The following NKAIN1 variants were observed in gnomAD, a reference collection of about 807,000 sequenced individuals.
The protein encoded by NKAIN1 is sodium/potassium-transporting ATPase subunit beta-1-interacting protein 1.
A neutral mutation model predicts 31.6 loss-of-function variants in NKAIN1; 13 were observed. The observed-to-expected ratio is 0.41, with a 90% confidence interval of 0.27 to 0.65. The LOEUF is 0.65. Ranked by LOEUF, NKAIN1 falls within the 30% of genes least tolerant of loss-of-function variation. NKAIN1 has a pLI of 0.30. For synonymous variants in NKAIN1, 104 were observed against 109.0 expected (o/e 0.95, Z 0.28); for missense variants, 193 against 262.2 (o/e 0.74, Z 1.82).
At chr1:31,232,412 TATATATATATATAGAGAG>T (rs1366584122) in intron 1 of NKAIN1, among the ~76,000 whole-genome samples, 3 of 32,776 alleles carry the variant, frequency 9.2e-5, no homozygotes, top group East Asian at 1.5e-3. Flanking sequence ...TATATATATA[TATATATATATATAGAGAG>T]AGAGAGAGAG....
chr1:31,181,775 G>A (rs372528801), intron 6 of NKAIN1, 63 bp from the exon 7 acceptor site: 9 of 1,546,590 alleles, frequency 5.8e-6, no homozygotes, highest in African/African-American at 2.7e-5. Context: ...GGAGAGACCC[G>A]GTTGCCCTGC....
At chr1:31,203,741 C>T (rs12082916) in intron 1 of NKAIN1, among the ~76,000 whole-genome samples, 6,111 of 152,062 alleles carry the variant, frequency 0.04, 341 homozygotes, top group African/African-American at 0.12. Context: ...CCCACCACCA[C>T]GCCTGGCCAA....
chr1:31,239,839 C>A lies in NKAIN1; in HGVS notation c.-292G>T, dbSNP rs895234643. Among the ~76,000 whole-genome samples the A allele has an allele frequency of 5.3e-5, 8 of 151,950 alleles. No individual in the cohort carries two copies. Among genetic ancestry groups the A allele is most frequent in the Non-Finnish European group, 5.9e-5 (4 of 67,926 alleles). ...GCCCCGGGGCGGCTGGCGGGGAGCG[C>A]GGAGCAAGGAGAGCGAGCCCCGAGC... On this transcript the variant is annotated 5_prime_UTR_variant, in exon 1 of 7. Coordinates refer to ENST00000373736, the MANE Select transcript of NKAIN1 (RefSeq NM_024522.3). This position sits in a 1 kb window ranked among gnomAD's most constrained non-coding sequence, Gnocchi z 4.8.
intron 1 of NKAIN1, among the ~76,000 whole-genome samples, chr1:31,214,466 A>G (rs985671006): frequency 1.3e-5 from 2 of 152,106 alleles, no homozygotes; most frequent in African/African-American, 2.4e-5. Context: ...GTTAAAAAAA[A>G]AAAAAAAGAA....
intron 1 of NKAIN1, among the ~76,000 whole-genome samples, chr1:31,218,972 C>G (rs1476979683): frequency 6.6e-6 from 1 of 152,262 alleles, no homozygotes; most frequent in Non-Finnish European, 1.5e-5. Flanking sequence ...CGAGGCTGAT[C>G]AGACACCCAG....
chr1:31,235,720 G>A lies in NKAIN1; in HGVS notation c.54+3774C>T, dbSNP rs72874558. Among the ~76,000 whole-genome samples, 703 of 152,282 alleles carry A rather than the reference G, an allele frequency of 4.6e-3. 7 individuals carry two copies. Among genetic ancestry groups the A allele is most frequent in the African/African-American group, 0.016 (668 of 41,568 alleles). ...CAAGTACAGCTGGCAGGATCCCAGC[G>A]AGCCAGACCAATAATGCCTCCCATT... On this transcript the variant is annotated intron_variant, in intron 1 of 6. Coordinates refer to ENST00000373736, the MANE Select transcript of NKAIN1 (RefSeq NM_024522.3).
intron 1 of NKAIN1, among the ~76,000 whole-genome samples, chr1:31,220,350 A>G (rs1043979938): frequency 2.2e-4 from 33 of 151,922 alleles, no homozygotes; most frequent in African/African-American, 7.7e-4. Flanking sequence ...CTTTTCCTGT[A>G]TAATGCTCAC....
At chr1:31,228,686 T>C (rs1048715116) in intron 1 of NKAIN1, among the ~76,000 whole-genome samples, 4 of 152,100 alleles carry the variant, frequency 2.6e-5, no homozygotes, top group Non-Finnish European at 1.5e-5. Context: ...CTTGACCTCC[T>C]GGGCTCAAGT....
At chr1:31,214,549 A>G (rs1645495959) in intron 1 of NKAIN1, among the ~76,000 whole-genome samples, 1 of 151,850 alleles carries the variant, frequency 6.6e-6, no homozygotes, top group Non-Finnish European at 1.5e-5. Context: ...GTGTGCATGC[A>G]TGTGTGTGTC....
At chr1:31,211,111 C>A (rs544708327) in intron 1 of NKAIN1, among the ~76,000 whole-genome samples, 1 of 152,328 alleles carries the variant, frequency 6.6e-6, no homozygotes, top group South Asian at 2.1e-4. Flanking sequence ...CAGGGATGTC[C>A]GCTCTCATCA....
intron 2 of NKAIN1, among the ~76,000 whole-genome samples, 199 bp downstream of exon 2, chr1:31,187,851 C>T (rs529024844): frequency 6.6e-6 from 1 of 150,682 alleles, no homozygotes; most frequent in Non-Finnish European, 1.5e-5. Flanking sequence ...CTAAAAAATT[C>T]TTCAGGAAAA....
At chr1:31,201,735 G>A (rs1645381774) in intron 1 of NKAIN1, among the ~76,000 whole-genome samples, 1 of 152,144 alleles carries the variant, frequency 6.6e-6, no homozygotes, top group Non-Finnish European at 1.5e-5. Context: ...GACGCAGAAC[G>A]GCTGACTCCA....
chr1:31,209,783 C>T (rs1645453156), intron 1 of NKAIN1, among the ~76,000 whole-genome samples: 1 of 151,962 alleles, frequency 6.6e-6, no homozygotes, highest in Admixed American at 6.6e-5. Flanking sequence ...CATCACTCCC[C>T]TCCAGTCTGG....
intron 1 of NKAIN1, among the ~76,000 whole-genome samples, chr1:31,195,204 C>T (rs1321586587): frequency 6.7e-6 from 1 of 150,262 alleles, no homozygotes; most frequent in African/African-American, 2.5e-5. Flanking sequence ...TTGCAACCTC[C>T]GCCTCCTGGG....
At chr1:31,223,084 G>A (rs1004998659) in intron 1 of NKAIN1, among the ~76,000 whole-genome samples, 1 of 152,086 alleles carries the variant, frequency 6.6e-6, no homozygotes, top group Non-Finnish European at 1.5e-5. Flanking sequence ...GATCAGAAAT[G>A]CTCCATAAAC....
chr1:31,196,414 G>A (rs1645327285), intron 1 of NKAIN1, among the ~76,000 whole-genome samples: 1 of 150,520 alleles, frequency 6.6e-6, no homozygotes, highest in Non-Finnish European at 1.5e-5. Context: ...TCGGGAGGCT[G>A]AGACAGGAGA....
chr1:31,199,366 C>T (rs925167746), intron 1 of NKAIN1, among the ~76,000 whole-genome samples: 1 of 152,218 alleles, frequency 6.6e-6, no homozygotes, highest in Admixed American at 6.5e-5. Flanking sequence ...ATGTCTGGCA[C>T]GCAGTTGGTG....
intron 1 of NKAIN1, among the ~76,000 whole-genome samples, chr1:31,216,012 G>A (rs936317184): frequency 6.6e-6 from 1 of 152,024 alleles, no homozygotes; most frequent in African/African-American, 2.4e-5. Context: ...GGGCACAGCT[G>A]CAGTAAACCC....
chr1:31,186,846 A>G (rs1645248114), intron 2 of NKAIN1, among the ~76,000 whole-genome samples: 1 of 152,262 alleles, frequency 6.6e-6, no homozygotes, highest in African/African-American at 2.4e-5. Flanking sequence ...ATGCTAGGTC[A>G]GCACTGAGGC....
Sources: gnomAD v4.1 joint callset for allele counts (sites outside exome capture counted in the v4.1 genomes callset) on GRCh38, gnomAD v4.1.1 for gene constraint, Gnocchi (gnomAD v3.1) non-coding constraint, MANE v1.5 for transcripts, NCBI Gene and HGNC (gene_info 2026-07-23, HGNC 2026-07-21) for gene names.